ITGBL1: variants seen among roughly 807,000 people sequenced by gnomAD.
The protein encoded by ITGBL1 is integrin beta-like protein 1.
A neutral mutation model predicts 68.5 loss-of-function variants in ITGBL1; 51 were observed. That is an observed-to-expected ratio of 0.74 (90% confidence interval 0.59 to 0.94). The LOEUF (loss-of-function observed/expected upper bound fraction) is 0.94. Ranked by LOEUF, ITGBL1 falls within the 40% of genes least tolerant of loss-of-function variation. The pLI, the probability that ITGBL1 is intolerant of heterozygous loss-of-function variation, is 0.00. For missense variants in ITGBL1, 649 were observed against 647.4 expected, an observed-to-expected ratio of 1.00 and a Z score of -0.03; for synonymous variants, 209 against 227.3, an observed-to-expected ratio of 0.92 and a Z score of 0.72.
At chr13:101,468,504 A>G (rs1054879941) in intron 2 of ITGBL1, among the ~76,000 whole-genome samples, 12 of 152,186 alleles carry the variant, frequency 7.9e-5, no homozygotes, top group Non-Finnish European at 1.5e-4. Context: ...GCCTGAGGAG[A>G]AATTCCTCCC....
chr13:101,651,228 C>A (rs2032739486), intron 7 of ITGBL1, among the ~76,000 whole-genome samples: 1 of 152,138 alleles, frequency 6.6e-6, no homozygotes, highest in African/African-American at 2.4e-5. Context: ...TCCACACTGT[C>A]TTCCACAATG....
chr13:101,504,855 A>C (rs1202739034), intron 2 of ITGBL1, among the ~76,000 whole-genome samples: 1 of 152,182 alleles, frequency 6.6e-6, no homozygotes, highest in Admixed American at 6.5e-5. Context: ...TCTAATGTGC[A>C]TTGCACCATA....
intron 2 of ITGBL1, among the ~76,000 whole-genome samples, chr13:101,491,488 G>A (rs2048775869): frequency 6.6e-6 from 1 of 152,064 alleles, no homozygotes; most frequent in Non-Finnish European, 1.5e-5. Flanking sequence ...GAGCCCTGTG[G>A]CCTCCCAAAT....
At chr13:101,637,288 G>A (rs1408243439) in intron 7 of ITGBL1, among the ~76,000 whole-genome samples, 1 of 151,616 alleles carries the variant, frequency 6.6e-6, no homozygotes, top group African/African-American at 2.4e-5. Context: ...GTCAAGTATG[G>A]TTTGAAGTTA....
chr13:101,644,706 C>T (rs578185389), intron 7 of ITGBL1, among the ~76,000 whole-genome samples: 14 of 152,198 alleles, frequency 9.2e-5, no homozygotes, highest in South Asian at 6.2e-4. Flanking sequence ...AATGTAACTA[C>T]GCCTCTGAAT....
intron 2 of ITGBL1, among the ~76,000 whole-genome samples, chr13:101,499,497 C>T (rs963047313): frequency 3.9e-5 from 6 of 152,156 alleles, no homozygotes; most frequent in Admixed American, 3.9e-4. Context: ...TGTTTGCTAG[C>T]ACTCAGATAT....
intron 2 of ITGBL1, among the ~76,000 whole-genome samples, chr13:101,456,283 T>G (rs2048243042): frequency 6.6e-6 from 1 of 152,332 alleles, no homozygotes; most frequent in South Asian, 2.1e-4. Context: ...CTACAGGGCC[T>G]TGAGCAGAAT....
intron 7 of ITGBL1, among the ~76,000 whole-genome samples, chr13:101,608,372 C>CTT (rs34696802): frequency 1.4e-5 from 2 of 144,056 alleles, no homozygotes; most frequent in Non-Finnish European, 3.1e-5. Context: ...GCTTTCTTTC[C>CTT]TTTTTTTTTT....
intron 7 of ITGBL1, among the ~76,000 whole-genome samples, chr13:101,645,190 G>T (rs183138369): frequency 2.0e-5 from 3 of 152,208 alleles, no homozygotes; most frequent in African/African-American, 7.2e-5. Flanking sequence ...TTGGCTTGTG[G>T]TCTGTAAGAT....
intron 7 of ITGBL1, among the ~76,000 whole-genome samples, chr13:101,689,414 G>A (rs2033833957): frequency 6.6e-6 from 1 of 151,688 alleles, no homozygotes; most frequent in Non-Finnish European, 1.5e-5. Context: ...TGTGGTAGTG[G>A]CTAAATAGAA....
chr13:101,510,741 A>C (rs569607240), intron 2 of ITGBL1, among the ~76,000 whole-genome samples: 2 of 152,106 alleles, frequency 1.3e-5, no homozygotes, highest in African/African-American at 4.8e-5. Flanking sequence ...CATTTTGATG[A>C]TGATTAGTGA....
At chr13:101,698,406 C>A (rs79527994) in intron 8 of ITGBL1, among the ~76,000 whole-genome samples, 5,922 of 152,266 alleles carry the variant, frequency 0.039, 172 homozygotes, top group Non-Finnish European at 0.064. Flanking sequence ...GATAAATTAG[C>A]AATTGTACCT....
intron 7 of ITGBL1, among the ~76,000 whole-genome samples, chr13:101,643,391 T>C: frequency 1.3e-5 from 2 of 151,470 alleles, no homozygotes; most frequent in African/African-American, 4.9e-5. Context: ...ATAAGAATGC[T>C]TGTGATTTTT....
intron 7 of ITGBL1, among the ~76,000 whole-genome samples, chr13:101,607,624 T>A (rs568490570): frequency 2.0e-5 from 3 of 151,954 alleles, no homozygotes; most frequent in Admixed American, 2.0e-4. Flanking sequence ...TGAAAAAAAA[T>A]AAGTTAAATA....
At chr13:101,477,702 G>A (rs1349247941) in intron 2 of ITGBL1, among the ~76,000 whole-genome samples, 1 of 151,958 alleles carries the variant, frequency 6.6e-6, no homozygotes, top group Non-Finnish European at 1.5e-5. Context: ...CTATATATAT[G>A]CCAATAAATT....
At chr13:101,520,639 C>T (rs1435683845) in intron 2 of ITGBL1, among the ~76,000 whole-genome samples, 1 of 152,144 alleles carries the variant, frequency 6.6e-6, no homozygotes, top group Non-Finnish European at 1.5e-5. Flanking sequence ...CTGCTCACTC[C>T]GTGGGGAATG....
intron 8 of ITGBL1, among the ~76,000 whole-genome samples, chr13:101,702,608 A>G (rs1480192732): frequency 6.6e-6 from 1 of 152,218 alleles, no homozygotes; most frequent in African/African-American, 2.4e-5. Flanking sequence ...AACAAAAAAA[A>G]GACAGAATAT....
At chr13:101,607,191 A>T (rs1463147616) in intron 7 of ITGBL1, among the ~76,000 whole-genome samples, 1 of 152,056 alleles carries the variant, frequency 6.6e-6, no homozygotes, top group African/African-American at 2.4e-5. Context: ...TTTCCTAAAA[A>T]CACAATGAGG....
At chr13:101,690,078 C>A (rs1226847523) in intron 7 of ITGBL1, among the ~76,000 whole-genome samples, 1 of 152,066 alleles carries the variant, frequency 6.6e-6, no homozygotes, top group Non-Finnish European at 1.5e-5. Flanking sequence ...TAGTATTAGT[C>A]ATTTTAAAAC....
Sources: allele counts gnomAD v4.1 joint callset (sites outside exome capture counted in the v4.1 genomes callset), GRCh38; gene constraint gnomAD v4.1.1; transcripts MANE v1.5; gene names NCBI Gene and HGNC (gene_info 2026-07-23, HGNC 2026-07-21).